Variants in PHF3 observed in about 807,000 individuals in gnomAD.
The protein encoded by PHF3 is PHD finger protein 3.
In PHF3, 41 loss-of-function variants were observed where a neutral mutation model predicts 178.4. The ratio of observed to expected loss-of-function variants is 0.23; its 90% CI spans 0.18 to 0.30. The LOEUF is 0.30. Among genes scored for constraint, PHF3 ranks in the 10% least tolerant of loss-of-function variants. The pLI, the probability that PHF3 is intolerant of heterozygous loss-of-function variation, is 1.00. For missense variants in PHF3, 2,346 were observed against 2,398.1 expected (o/e 0.98, Z 0.45); for synonymous variants, 842 against 800.5 (o/e 1.05, Z -0.88).
At chr6:63,640,061 G>A (rs1764507822) in intron 1 of PHF3, among the ~76,000 whole-genome samples, 2 of 152,134 alleles carry the variant, frequency 1.3e-5, no homozygotes, top group African/African-American at 4.8e-5. Flanking sequence ...CAGACACTTT[G>A]ATATCTTCTT....
intron 2 of PHF3, among the ~76,000 whole-genome samples, chr6:63,668,741 C>T (rs1041472863): frequency 3.9e-5 from 6 of 152,066 alleles, no homozygotes; most frequent in African/African-American, 1.4e-4. Context: ...TTAACCCAAT[C>T]ACCTCACAAT....
chr6:63,677,960 C>T (rs1766244660), intron 2 of PHF3, among the ~76,000 whole-genome samples: 1 of 152,100 alleles, frequency 6.6e-6, no homozygotes. Flanking sequence ...CAGTGGTTCA[C>T]ACCTGTAATC....
rs1767034546 is a variant in PHF3 at position 63,692,118 on chromosome 6, T to A, written c.2496+75T>A. Reference sequence around the variant, plus strand: ...TGGACTGACTGCAATAATTTTGAAATTTCTCTTTAGAAGTTTTAATGTTCT... The same window carrying A: ...TGGACTGACTGCAATAATTTTGAAAATTCTCTTTAGAAGTTTTAATGTTCT... On this transcript the variant is annotated intron_variant, in intron 5 of 15. Coordinates refer to ENST00000262043, the MANE Select transcript of PHF3 (RefSeq NM_001370348.2). The A allele has an allele frequency of 7.6e-6, 8 of 1,057,970 alleles. No homozygotes were observed. The East Asian group carries it at 1.8e-4, about 24-fold the overall frequency. The allele number at this position is 1,057,970 out of a possible 1,614,324, so 65.5% of individuals were successfully genotyped here. A position where few individuals can be genotyped will look rare whatever the true frequency, so the allele number is the denominator to read the frequency against.
At position 63,716,516 on chromosome 6, in the gene PHF3, T is replaced by C. The variant is rs1768194601; in HGVS notation, c.*2808T>C. On this transcript the variant is annotated 3_prime_UTR_variant, in exon 16 of 16. Coordinates refer to ENST00000262043, the MANE Select transcript of PHF3 (RefSeq NM_001370348.2). ...ATCCTAATTCTCTATTCCTGTTTTCTATTGCTGTTGTGATGAATTACTACA... is the reference window on the plus strand; with the variant it reads ...ATCCTAATTCTCTATTCCTGTTTTCCATTGCTGTTGTGATGAATTACTACA... Among the ~76,000 whole-genome samples, 1 of 152,128 alleles carries C rather than the reference T, an allele frequency of 6.6e-6. No homozygotes were observed. Among genetic ancestry groups the C allele is most frequent in the South Asian group, 2.1e-4 (1 of 4,832 alleles).
rs977205151 is a variant in PHF3 at position 63,716,980 on chromosome 6, G to A, written c.*3272G>A. Among the ~76,000 whole-genome samples, 3 of 152,042 alleles carry A rather than the reference G, an allele frequency of 2.0e-5. No individual in the cohort carries two copies. The highest frequency in any genetic ancestry group is 2.9e-5 in the Non-Finnish European group (2 of 67,972). On this transcript the variant is annotated 3_prime_UTR_variant, in exon 16 of 16. Coordinates refer to ENST00000262043, the MANE Select transcript of PHF3 (RefSeq NM_001370348.2). ...TTACAGGTGTTCCAAGGATTGGGGT[G>A]TAGACATCTTTTGGGGGATTATCAT...
At position 63,722,182 on chromosome 6, in the gene PHF3, C is replaced by T. The variant is rs1198041882; in HGVS notation, c.*8474C>T. On this transcript the variant is annotated 3_prime_UTR_variant, in exon 16 of 16. Coordinates refer to ENST00000262043, the MANE Select transcript of PHF3 (RefSeq NM_001370348.2). ...ATTCCTGGCTCCTTTCCTGTCTCTCCAACCTTACCTGGAATGTTCTCTTTC... is the reference window on the plus strand; with the variant it reads ...ATTCCTGGCTCCTTTCCTGTCTCTCTAACCTTACCTGGAATGTTCTCTTTC... Among the ~76,000 whole-genome samples the T allele has an allele frequency of 6.6e-6, 1 of 152,130 alleles. No individual in the cohort carries two copies. The highest frequency in any genetic ancestry group is 1.5e-5 in the Non-Finnish European group (1 of 68,018).
At chr6:63,639,404 A>G (rs1362513511) in intron 1 of PHF3, among the ~76,000 whole-genome samples, 4 of 152,166 alleles carry the variant, frequency 2.6e-5, no homozygotes, top group Non-Finnish European at 4.4e-5. Flanking sequence ...TTTTCCTCCA[A>G]TGATGTTCAT....
chr6:63,725,989 AAAATT>A lies in PHF3; in HGVS notation c.*12287_*12291del, dbSNP rs1768599850. Among the ~76,000 whole-genome samples the A allele has an allele frequency of 1.3e-5, 2 of 152,184 alleles. No homozygotes were observed. The highest frequency in any genetic ancestry group is 2.4e-5 in the African/African-American group (1 of 41,474). On this transcript the variant is annotated 3_prime_UTR_variant, in exon 16 of 16. Transcript: ENST00000262043. ...ATATCAAGGGTAAAGTAAAACCTAA[AAAATT>A]AAATTTTAAAACACTAATTGGATAC...
At position 63,720,287 on chromosome 6, in the gene PHF3, A is replaced by G. The variant is rs1014850280; in HGVS notation, c.*6579A>G. On this transcript the variant is annotated 3_prime_UTR_variant, in exon 16 of 16. Transcript: ENST00000262043. ...TTTTTAAAATTGTGTTTACACGTTG[A>G]TTTTAAAATGTAAGCATTAGGGATA... The G allele has an allele frequency of 1.9e-5, 7 of 368,576 alleles. No homozygotes were observed. Among genetic ancestry groups the G allele is most frequent in the African/African-American group, 1.5e-4 (7 of 47,938 alleles). The allele number at this position is 368,576 out of a possible 1,614,324, so 22.8% of individuals were successfully genotyped here. A position where few individuals can be genotyped will look rare whatever the true frequency, so the allele number is the denominator to read the frequency against.
chr6:63,699,630 C>T (rs113921536), intron 8 of PHF3, among the ~76,000 whole-genome samples: 12,670 of 151,966 alleles, frequency 0.083, 574 homozygotes, highest in East Asian at 0.16. Context: ...CTTGCCCTGT[C>T]GCCCAGGTTG....
chr6:63,652,159 A>C (rs1765045945), intron 2 of PHF3, among the ~76,000 whole-genome samples: 1 of 152,108 alleles, frequency 6.6e-6, no homozygotes, highest in Non-Finnish European at 1.5e-5. Flanking sequence ...TCCCTCCAAG[A>C]GTGTGTAAGA....
chr6:63,685,032 A>G lies in PHF3; in HGVS notation c.1310A>G (p.Glu437Gly). ...TTTGGACCGGAAAGTAATATCTTGG[A>G]AAATGCTATTTGTGATGTGCCTGAC... The part of the protein sequence containing the change: ...STFGPESNIL[E>G]NAICDVPDQN... The change falls in exon 4 of 16, where the codon GAA becomes GGA. Residue 437 changes from glutamate (E) to glycine (G), a missense_variant. Glu to Gly is a moderately conservative substitution (Grantham distance 98, BLOSUM62 -2). Around this residue, in one of 8 missense-constraint regions of PHF3, gnomAD observed 843 missense variants for 795.2 expected, o/e 1.06. Transcript: ENST00000262043. 1 of 1,614,122 alleles carries G rather than the reference A, an allele frequency of 6.2e-7. No homozygotes were observed. The highest frequency in any genetic ancestry group is 8.5e-7 in the Non-Finnish European group (1 of 1,179,992).
chr6:63,700,309 T>A (rs770930236), intron 8 of PHF3, 41 bp from the exon 9 acceptor site: 17 of 928,514 alleles, frequency 1.8e-5, no homozygotes, highest in Non-Finnish European at 3.4e-6. Flanking sequence ...CCACTCAAAA[T>A]GTTTGTCTCC....
At chr6:63,659,553 T>C (rs1765379198) in intron 2 of PHF3, among the ~76,000 whole-genome samples, 1 of 152,236 alleles carries the variant, frequency 6.6e-6, no homozygotes, top group African/African-American at 2.4e-5. Flanking sequence ...TTGCTAGCTC[T>C]ATCTTACTAA....
rs777111300 is a variant in PHF3, at chr6:63,720,595, C to G, written c.*6887C>G. 13 of 1,463,848 alleles carry G rather than the reference C, an allele frequency of 8.9e-6. No homozygotes were observed. Among genetic ancestry groups the G allele is most frequent in the Non-Finnish European group, 1.1e-5 (12 of 1,102,506 alleles). 90.7% of individuals were successfully genotyped at this position (1,463,848 alleles called of 1,614,324 possible). ...TGTGTACTAAAATCTCTAGTGTTAA[C>G]TTATGTAACCTCATTTTGTTCATCT... On this transcript the variant is annotated 3_prime_UTR_variant, in exon 16 of 16. Coordinates refer to ENST00000262043, the MANE Select transcript of PHF3 (RefSeq NM_001370348.2).
intron 9 of PHF3, among the ~76,000 whole-genome samples, chr6:63,701,315 T>C (rs1767466220): frequency 6.6e-6 from 1 of 152,270 alleles, no homozygotes; most frequent in South Asian, 2.1e-4. Flanking sequence ...TGGAATGTTA[T>C]GTAATATAGA....
At chr6:63,690,440 G>C (rs945285156) in intron 4 of PHF3, among the ~76,000 whole-genome samples, 2 of 152,096 alleles carry the variant, frequency 1.3e-5, no homozygotes, top group African/African-American at 2.4e-5. Flanking sequence ...GAGGTATTTG[G>C]CAAGACTTTA....
At chr6:63,647,930 C>G (rs1240046708) in intron 2 of PHF3, among the ~76,000 whole-genome samples, 2 of 152,054 alleles carry the variant, frequency 1.3e-5, no homozygotes, top group Non-Finnish European at 2.9e-5. Flanking sequence ...GACTTTTTCT[C>G]CTGTACAGTT....
chr6:63,636,174 C>G (rs867151050), intron 1 of PHF3, 24 bp downstream of exon 1: 1 of 379,924 alleles, frequency 2.6e-6, no homozygotes, highest in Non-Finnish European at 4.7e-6. Flanking sequence ...GTGGCCGCGG[C>G]CAGGGAGACG....
Sources: allele counts gnomAD v4.1 joint callset (sites outside exome capture counted in the v4.1 genomes callset), GRCh38; gene constraint gnomAD v4.1.1; regional missense constraint gnomAD v4.1.1; transcripts MANE v1.5; gene names NCBI Gene and HGNC (gene_info 2026-07-23, HGNC 2026-07-21).